The following ADAMTS20 variants were observed in gnomAD, a reference collection of about 807,000 sequenced individuals.
The protein encoded by ADAMTS20 is A disintegrin and metalloproteinase with thrombospondin motifs 20.
In ADAMTS20, 225 loss-of-function variants were observed where a neutral mutation model predicts 260.1. The ratio of observed to expected loss-of-function variants is 0.87; its 90% CI spans 0.78 to 0.97. The LOEUF (loss-of-function observed/expected upper bound fraction) is 0.97. ADAMTS20 is among the 50% of genes least tolerant of loss of function. The pLI, the probability that ADAMTS20 is intolerant of heterozygous loss-of-function variation, is 0.00. For synonymous variants in ADAMTS20, 802 were observed against 769.5 expected, an observed-to-expected ratio of 1.04 and a Z score of -0.70; for missense variants, 2,400 against 2,337.7, an observed-to-expected ratio of 1.03 and a Z score of -0.55.
chr12:43,377,053 TA>T (rs1403904599), intron 32 of ADAMTS20, among the ~76,000 whole-genome samples: 2 of 152,228 alleles, frequency 1.3e-5, no homozygotes, highest in South Asian at 2.1e-4. Flanking sequence ...TTATTACTCA[TA>T]TATTAGATTT....
At chr12:43,450,025 A>G (rs899304697) in intron 14 of ADAMTS20, among the ~76,000 whole-genome samples, 3 of 152,200 alleles carry the variant, frequency 2.0e-5, no homozygotes, top group Non-Finnish European at 4.4e-5. Flanking sequence ...GTATGTAAGT[A>G]ACACATTAGA....
At chr12:43,358,324 A>G (rs1939788375) in intron 37 of ADAMTS20, among the ~76,000 whole-genome samples, 1 of 152,230 alleles carries the variant, frequency 6.6e-6, no homozygotes, top group African/African-American at 2.4e-5. Context: ...AATTTTCATG[A>G]GCTTTACTTC....
intron 15 of ADAMTS20, among the ~76,000 whole-genome samples, chr12:43,445,097 C>G (rs770806847): frequency 2.9e-4 from 44 of 151,968 alleles, no homozygotes; most frequent in Non-Finnish European, 3.8e-4. Flanking sequence ...AGAAAGCAAG[C>G]CTAAGGCATT....
intron 29 of ADAMTS20, among the ~76,000 whole-genome samples, chr12:43,390,560 A>T (rs907269601): frequency 6.6e-6 from 1 of 152,230 alleles, no homozygotes; most frequent in Non-Finnish European, 1.5e-5. Flanking sequence ...CCTAACAGCC[A>T]ATTTCATCAC....
chr12:43,358,209 A>T (rs896895603), intron 37 of ADAMTS20, among the ~76,000 whole-genome samples: 4 of 152,174 alleles, frequency 2.6e-5, no homozygotes, highest in Non-Finnish European at 5.9e-5. Flanking sequence ...ATGTATACAC[A>T]TTGGAAGTAA....
chr12:43,358,419 G>A (rs535686456), intron 37 of ADAMTS20, among the ~76,000 whole-genome samples: 5 of 152,242 alleles, frequency 3.3e-5, no homozygotes, highest in South Asian at 4.1e-4. Context: ...TGATGTTGAC[G>A]GAGGTAAAAA....
In ADAMTS20 at chr12:43,517,176, G is replaced by C. The variant is rs138924476; in HGVS notation, c.614-14771C>G. 4.8e-4 allele frequency among the ~76,000 whole-genome samples: 73 copies of C among 152,042 alleles called. 2 individuals are homozygous for C. Among genetic ancestry groups the C allele is most frequent in the African/African-American group, 1.6e-3 (67 of 41,526 alleles). On this transcript the variant is annotated intron_variant, in intron 3 of 38. Transcript: ENST00000389420. ...AAATGAGGCAAGGATTTTTGTTATT[G>C]CTATTTCTAAGGACAGTTCTAGAAA...
chr12:43,462,800 G>A, intron 11 of ADAMTS20, 95 bp downstream of exon 11: 1 of 972,748 alleles, frequency 1.0e-6, no homozygotes, highest in Non-Finnish European at 1.5e-6. Context: ...CTGAAGAAAA[G>A]TTGACAGCAA....
intron 7 of ADAMTS20, among the ~76,000 whole-genome samples, chr12:43,484,257 G>A (rs973430461): frequency 2.6e-5 from 4 of 152,014 alleles, no homozygotes; most frequent in African/African-American, 7.2e-5. Flanking sequence ...AATAATTCTG[G>A]CAATATTAAA....
intron 28 of ADAMTS20, among the ~76,000 whole-genome samples, chr12:43,401,858 A>G (rs1457705140): frequency 3.3e-5 from 5 of 151,620 alleles, no homozygotes. Context: ...TTCCAACTTC[A>G]TATTTTGCTG....
chr12:43,485,110 A>AGCAAC (rs71091158), intron 7 of ADAMTS20, among the ~76,000 whole-genome samples: 8 of 135,674 alleles, frequency 5.9e-5, no homozygotes, highest in Non-Finnish European at 1.3e-4. Flanking sequence ...AAAAAAAAAA[A>AGCAAC]AGCAACAACA....
At chr12:43,448,037 T>A (rs1565553411) in intron 14 of ADAMTS20, among the ~76,000 whole-genome samples, 1 of 152,146 alleles carries the variant, frequency 6.6e-6, no homozygotes, top group Non-Finnish European at 1.5e-5. Context: ...ATAGGAAGAA[T>A]CAATATCATT....
rs762242601 is a variant in ADAMTS20, at chr12:43,427,313, C to T, written c.4102G>A (p.Gly1368Arg). 1 of 1,610,568 alleles carries T rather than the reference C, an allele frequency of 6.2e-7. No individual in the cohort carries two copies. The highest frequency in any genetic ancestry group is 8.5e-7 in the Non-Finnish European group (1 of 1,178,930). The stretch of plus-strand genomic sequence containing the variant: ...TAGAAAATATTATGACTTACTTCTC[C>T]CCAATTTCCGTAGTTCCACTGTGGA... The part of the protein sequence containing the change: ...PCPQWNYGNW[G>R]ECSQTCGGGI... Residue 1368 changes from glycine to arginine, a missense_variant, in exon 27 of 39, where the codon GGA (glycine) becomes AGA (arginine). Gly to Arg is a moderately radical substitution (Grantham distance 125). Transcript: ENST00000389420.
chr12:43,366,591 G>T (rs1939991733), intron 37 of ADAMTS20, among the ~76,000 whole-genome samples: 1 of 151,658 alleles, frequency 6.6e-6, no homozygotes, highest in Admixed American at 6.6e-5. Flanking sequence ...AAATTTAGTG[G>T]ATAAAATAAC....
rs115505839 is a variant in ADAMTS20, at chr12:43,453,908, C to T, written c.1759G>A (p.Glu587Lys). The T allele has an allele frequency of 3.1e-4, 498 of 1,596,128 alleles. 4 individuals are homozygous for T. In the African/African-American group the frequency reaches 6.2e-3, roughly 20 times the overall value. Residue 587 changes from glutamate (E) to lysine (K), a missense_variant and splice_region_variant, in exon 12 of 39, where the codon GAG becomes AAG. Coordinates refer to ENST00000389420, the MANE Select transcript of ADAMTS20 (RefSeq NM_025003.5). ...ESATRRCNRP[E>K]PRNGGNYCVG... ...TATAGTGACATAAAAAAGACATACTCAGGACGATTACAGCGCCTGGTTGCA... is the reference window on the plus strand; with the variant it reads ...TATAGTGACATAAAAAAGACATACTTAGGACGATTACAGCGCCTGGTTGCA...
At chr12:43,512,865 ACTC>A (rs1396436628) in intron 3 of ADAMTS20, among the ~76,000 whole-genome samples, 2 of 152,164 alleles carry the variant, frequency 1.3e-5, no homozygotes, top group Non-Finnish European at 2.9e-5. Context: ...TTACAGCTGA[ACTC>A]CACATCACAT....
rs139458463 is a variant in ADAMTS20, at chr12:43,412,802, ATTTTTTTTTTT to A, written c.4284+12701_4284+12711del. Among the ~76,000 whole-genome samples the A allele has an allele frequency of 8.3e-4, 70 of 84,312 alleles. No homozygotes were observed. In the East Asian group the frequency reaches 0.012, roughly 14 times the overall value. The allele number at this position is 84,312 out of a possible 152,430, so 55.3% of individuals were successfully genotyped here. ...TCTCTAGTTAGCAGAATAGGAAATA[ATTTTTTTTTTT>A]TTTTTTTTTTTTTTTTGAGACAGAG... On this transcript the variant is annotated intron_variant, in intron 28 of 38. Transcript: ENST00000389420.
At position 43,434,559 on chromosome 12, in the gene ADAMTS20, C is replaced by T. The variant is rs1440603789; in HGVS notation, c.2594-188G>A. Among the ~76,000 whole-genome samples the T allele has an allele frequency of 5.3e-5, 8 of 152,082 alleles. 1 individual carries two copies. Among genetic ancestry groups the T allele is most frequent in the African/African-American group, 1.9e-4 (8 of 41,410 alleles). Reference sequence around the variant, plus strand: ...ACTTTTATAATAAGTAAGCTGAATCCTGAATGACTGAAAGTTTGCTTAATG... The same window carrying T: ...ACTTTTATAATAAGTAAGCTGAATCTTGAATGACTGAAAGTTTGCTTAATG... On this transcript the variant is annotated intron_variant, in intron 18 of 38. Transcript: ENST00000389420.
chr12:43,363,073 G>C (rs748638845), intron 37 of ADAMTS20, among the ~76,000 whole-genome samples: 5 of 151,946 alleles, frequency 3.3e-5, no homozygotes, highest in Non-Finnish European at 5.9e-5. Flanking sequence ...GGTAAGAACA[G>C]TGAGAACCTG....
Sources: allele counts gnomAD v4.1 joint callset (sites outside exome capture counted in the v4.1 genomes callset), GRCh38; gene constraint gnomAD v4.1.1; transcripts MANE v1.5; gene names NCBI Gene and HGNC (gene_info 2026-07-23, HGNC 2026-07-21).